VDR: variants seen among roughly 807,000 people sequenced by gnomAD.
VDR encodes the protein vitamin D receptor, also known as vitamin D3 receptor.
A neutral mutation model predicts 39.7 loss-of-function variants in VDR; 19 were observed. The ratio of observed to expected loss-of-function variants is 0.48; its 90% CI spans 0.33 to 0.70. The LOEUF is 0.70. VDR is among the 30% of genes least tolerant of loss of function. VDR has a pLI of 0.02. For missense variants in VDR, 442 were observed against 570.5 expected (o/e 0.77, Z 2.29); for synonymous variants, 242 against 215.8 (o/e 1.12, Z -1.07).
intron 3 of VDR, among the ~76,000 whole-genome samples, chr12:47,868,486 T>C (rs1262579906): frequency 6.6e-6 from 1 of 152,230 alleles, no homozygotes; most frequent in South Asian, 2.1e-4. Flanking sequence ...ACAAAAAGCC[T>C]TTTGCCGTTC....
intron 4 of VDR, among the ~76,000 whole-genome samples, chr12:47,863,685 G>A (rs943844186): frequency 6.6e-6 from 1 of 152,204 alleles, no homozygotes; most frequent in Admixed American, 6.5e-5. Context: ...CGACCAGCGT[G>A]CCCAGGCCTG....
intron 7 of VDR, among the ~76,000 whole-genome samples, chr12:47,847,372 T>G (rs1274108640): frequency 6.6e-6 from 1 of 152,132 alleles, no homozygotes; most frequent in Non-Finnish European, 1.5e-5. Context: ...CTCTCATTCA[T>G]CTTTCTTACC....
At chr12:47,884,486 A>G (rs533086370) in intron 1 of VDR, among the ~76,000 whole-genome samples, 4 of 152,216 alleles carry the variant, frequency 2.6e-5, no homozygotes, top group African/African-American at 9.6e-5. Context: ...TTTTGCAATG[A>G]CAATCATCAG....
At chr12:47,863,991 C>T (rs1207852178) in intron 4 of VDR, among the ~76,000 whole-genome samples, 1 of 152,220 alleles carries the variant, frequency 6.6e-6, no homozygotes, top group East Asian at 1.9e-4. Context: ...CATCCCCAAC[C>T]ACTCCAAACG....
intron 8 of VDR, 80 bp from the exon 9 acceptor site, chr12:47,846,531 C>G (rs1592096063): frequency 2.6e-6 from 4 of 1,551,388 alleles, no homozygotes; most frequent in East Asian, 4.7e-5. Flanking sequence ...GTCTGACCCT[C>G]GCCCTTCTCT....
At chr12:47,895,692 A>G (rs1490521818) in intron 1 of VDR, among the ~76,000 whole-genome samples, 1 of 152,194 alleles carries the variant, frequency 6.6e-6, no homozygotes, top group Non-Finnish European at 1.5e-5. Flanking sequence ...TCCTTCCCCA[A>G]CACCAACAGT....
chr12:47,857,000 G>A lies in VDR; in HGVS notation c.583+129C>T, dbSNP rs535161210. 3.6e-5 allele frequency: 51 copies of A among 1,433,376 alleles called. No individual in the cohort carries two copies. In the African/African-American group the frequency reaches 6.9e-4, roughly 19 times the overall value. The allele number at this position is 1,433,376 out of a possible 1,614,324, so 88.8% of individuals were successfully genotyped here. On this transcript the variant is annotated intron_variant, in intron 6 of 9. Transcript: ENST00000549336. ...GGGGCTGTTGTGAAGACGCTGCATA[G>A]CGCACAGTATTTATGTAAGTTTCCA...
intron 1 of VDR, chr12:47,898,867 G>A (rs2137249658): frequency 6.5e-6 from 1 of 154,708 alleles, no homozygotes; most frequent in South Asian, 2.0e-4. Flanking sequence ...GAAAAGCAAG[G>A]AAACAATTAA....
chr12:47,859,383 C>G (rs1945560984), intron 4 of VDR, among the ~76,000 whole-genome samples: 1 of 152,194 alleles, frequency 6.6e-6, no homozygotes, highest in Non-Finnish European at 1.5e-5. Flanking sequence ...GACTTCATGT[C>G]TTAGTGCTTC....
chr12:47,904,899 C>G, intron 1 of VDR, 56 bp downstream of exon 1: 1 of 305,834 alleles, frequency 3.3e-6, no homozygotes, highest in Non-Finnish European at 6.2e-6. Flanking sequence ...TCCCAGACGC[C>G]CCGACCCCGA....
intron 7 of VDR, among the ~76,000 whole-genome samples, chr12:47,853,259 G>A (rs921029245): frequency 4.0e-5 from 6 of 151,082 alleles, no homozygotes; most frequent in African/African-American, 1.2e-4. Flanking sequence ...TGGCTAACAC[G>A]GTGAAACCCT....
At chr12:47,879,534 T>C (rs1592136775) in intron 2 of VDR, among the ~76,000 whole-genome samples, 1 of 152,204 alleles carries the variant, frequency 6.6e-6, no homozygotes, top group Admixed American at 6.5e-5. Flanking sequence ...CAGGGGCTTC[T>C]ATCCTGCCCA....
intron 1 of VDR, among the ~76,000 whole-genome samples, chr12:47,903,254 T>C (rs962943052): frequency 6.6e-6 from 1 of 151,488 alleles, no homozygotes; most frequent in Admixed American, 6.6e-5. Flanking sequence ...AGCCAGAGCA[T>C]AGACTGTGAA....
intron 3 of VDR, among the ~76,000 whole-genome samples, chr12:47,868,287 T>G (rs1404050712): frequency 6.6e-6 from 1 of 152,204 alleles, no homozygotes; most frequent in African/African-American, 2.4e-5. Flanking sequence ...TTGGCTCTGG[T>G]ACCCTGCTGT....
In VDR at chr12:47,857,750, C is replaced by T. The variant is rs11168266; in HGVS notation, c.278-62G>A. On this transcript the variant is annotated intron_variant, in intron 4 of 9. Coordinates refer to ENST00000549336, the MANE Select transcript of VDR (RefSeq NM_000376.3). The stretch of plus-strand genomic sequence containing the variant: ...GCAGCTCCTCCAGGAAACCTTCCTC[C>T]TGCGGTTGGGGGTAAAGGTCCAAGA... 861,734 of 1,583,932 alleles carry T rather than the reference C, an allele frequency of 0.54. 236,752 individuals are homozygous for T. Among genetic ancestry groups the T allele is most frequent in the Middle Eastern group, 0.65 (3,377 of 5,190 alleles).
rs527628548 is a variant in VDR, at chr12:47,878,848, C to T, written c.146+120G>A. The T allele has an allele frequency of 6.3e-5, 96 of 1,522,460 alleles. No homozygotes were observed. In the East Asian group the frequency reaches 7.4e-4, roughly 12 times the overall value. 94.3% of individuals were successfully genotyped at this position (1,522,460 alleles called of 1,614,324 possible). The stretch of plus-strand genomic sequence containing the variant: ...CTCCTGCTCCTGTGGCTGTGAGCGC[C>T]GCATGTTCCATGGACATTGTAAGGA... On this transcript the variant is annotated intron_variant, in intron 3 of 9. Coordinates refer to ENST00000549336, the MANE Select transcript of VDR (RefSeq NM_000376.3).
At chr12:47,851,820 A>C (rs1284982997) in intron 7 of VDR, among the ~76,000 whole-genome samples, 1 of 152,232 alleles carries the variant, frequency 6.6e-6, no homozygotes, top group Non-Finnish European at 1.5e-5. Flanking sequence ...CTGAAGACAG[A>C]GAAGCCAACC....
intron 1 of VDR, among the ~76,000 whole-genome samples, chr12:47,892,429 C>A (rs1417176214): frequency 1.3e-5 from 2 of 152,208 alleles, no homozygotes; most frequent in African/African-American, 4.8e-5. Context: ...TGACTTCCCC[C>A]TAACAAGCTT....
intron 3 of VDR, among the ~76,000 whole-genome samples, chr12:47,874,560 T>C (rs1406843498): frequency 6.6e-6 from 1 of 152,176 alleles, no homozygotes; most frequent in Admixed American, 6.5e-5. Context: ...TCAAGAACCT[T>C]GGAGCTAGGA....
Sources: allele counts gnomAD v4.1 joint callset (sites outside exome capture counted in the v4.1 genomes callset), GRCh38; gene constraint gnomAD v4.1.1; transcripts MANE v1.5; gene names NCBI Gene and HGNC (gene_info 2026-07-23, HGNC 2026-07-21).